The following HTT variants were observed in gnomAD, a reference collection of about 807,000 sequenced individuals.
HTT encodes the protein huntingtin.
In HTT, 104 loss-of-function variants were observed where a neutral mutation model predicts 362.3. The observed-to-expected ratio is 0.29, with a 90% confidence interval of 0.24 to 0.34. The LOEUF is 0.34. Ranked by LOEUF, HTT falls within the 10% of genes least tolerant of loss-of-function variation. The pLI is 1.00. For missense variants in HTT, 3,301 were observed against 3,928.6 expected (o/e 0.84, Z 4.27); for synonymous variants, 1,577 against 1,548.7 (o/e 1.02, Z -0.43).
Position 3,228,396 on chromosome 4 carries a change from A to C in HTT, c.7849-219A>C, listed in dbSNP as rs1721025225. On this transcript the variant is annotated intron_variant, in intron 57 of 66. Transcript: ENST00000355072. This position sits in a 1 kb window ranked among gnomAD's most constrained non-coding sequence, Gnocchi z 4.3. ...CCTGGGGTTGACTGGCCCCTGATTC[A>C]TGCCTTTAGCATGTGCTGGAGCTTC... Among the ~76,000 whole-genome samples, 1 of 152,028 alleles carries C rather than the reference A, an allele frequency of 6.6e-6. No homozygotes were observed. Among genetic ancestry groups the C allele is most frequent in the Non-Finnish European group, 1.5e-5 (1 of 67,988 alleles).
At position 3,163,889 on chromosome 4, in the gene HTT, T is replaced by G. The variant is rs547594549; in HGVS notation, c.3864+3497T>G. Among the ~76,000 whole-genome samples, 3 of 152,042 alleles carry G rather than the reference T, an allele frequency of 2.0e-5. No homozygotes were observed. In the East Asian group the frequency reaches 5.8e-4, roughly 29 times the overall value. On this transcript the variant is annotated intron_variant, in intron 29 of 66. Coordinates refer to ENST00000355072, the MANE Select transcript of HTT (RefSeq NM_001388492.1). ...AAAACCAGCACCTGGATTCATTGAT[T>G]TTTTTTGGAGGGTTTTTTTTCGTGT... is the stretch of plus-strand genomic sequence containing the variant.
intron 6 of HTT, among the ~76,000 whole-genome samples, chr4:3,108,380 T>C (rs1442640960): frequency 6.6e-6 from 1 of 151,966 alleles, no homozygotes; most frequent in Non-Finnish European, 1.5e-5. Flanking sequence ...GAATTTAGTG[T>C]AATATTTCTT....
At chr4:3,183,694 A>T (rs535452180) in intron 37 of HTT, among the ~76,000 whole-genome samples, 1 of 152,268 alleles carries the variant, frequency 6.6e-6, no homozygotes, top group African/African-American at 2.4e-5. Flanking sequence ...CTGCCTACAG[A>T]TGGTTTTAGA....
At chr4:3,075,480 C>G (rs1275445988) in intron 1 of HTT, among the ~76,000 whole-genome samples, 1 of 152,154 alleles carries the variant, frequency 6.6e-6, no homozygotes, top group East Asian at 1.9e-4. Context: ...GTGAAGAGAA[C>G]TTGGAGGAGC....
intron 59 of HTT, among the ~76,000 whole-genome samples, chr4:3,229,302 CCACA>C (rs35275647): frequency 0.44 from 61,831 of 140,458 alleles, 13,628 homozygotes; most frequent in South Asian, 0.52. Context: ...CATGCATGCA[CCACA>C]CACACACACA....
At position 3,218,916 on chromosome 4, in the gene HTT, G is replaced by A. The variant is rs560200961; in HGVS notation, c.7242+964G>A. On this transcript the variant is annotated intron_variant, in intron 52 of 66. Coordinates refer to ENST00000355072, the MANE Select transcript of HTT (RefSeq NM_001388492.1). The surrounding 1 kb of genome is among the most constrained non-coding windows in gnomAD (Gnocchi z 4.4). Reference sequence around the variant, plus strand: ...AGGGAAGAGGCTTGTGGCTGCCTGAGAAGGGTGCGTGCCTGCCTGTGTGTG... The same window carrying A: ...AGGGAAGAGGCTTGTGGCTGCCTGAAAAGGGTGCGTGCCTGCCTGTGTGTG... Among the ~76,000 whole-genome samples the A allele has an allele frequency of 6.6e-6, 1 of 152,330 alleles. No individual in the cohort carries two copies. Among genetic ancestry groups the A allele is most frequent in the Admixed American group, 6.5e-5 (1 of 15,310 alleles).
At chr4:3,123,855 A>G (rs965003818) in intron 10 of HTT, among the ~76,000 whole-genome samples, 1 of 152,208 alleles carries the variant, frequency 6.6e-6, no homozygotes, top group African/African-American at 2.4e-5. Flanking sequence ...ATCTTTTGCA[A>G]TGCCAGTTAT....
At chr4:3,224,827 A>G (rs1259023113) in intron 56 of HTT, among the ~76,000 whole-genome samples, 6 of 152,172 alleles carry the variant, frequency 3.9e-5, no homozygotes, top group Non-Finnish European at 8.8e-5. Context: ...TCAAATGTTT[A>G]TTAGGGCGTT....
intron 37 of HTT, among the ~76,000 whole-genome samples, chr4:3,183,174 G>A (rs1445890315): frequency 1.3e-5 from 2 of 152,238 alleles, no homozygotes; most frequent in East Asian, 1.9e-4. Context: ...GAGCCACCTC[G>A]CCTGGCCTAT....
At chr4:3,105,086 A>T (rs1714358777) in intron 4 of HTT, among the ~76,000 whole-genome samples, 3 of 152,306 alleles carry the variant, frequency 2.0e-5, no homozygotes, top group Admixed American at 2.0e-4. Flanking sequence ...ACAATGTTAG[A>T]AGGAAATGCT....
chr4:3,175,957 G>T (rs16843994), intron 33 of HTT, among the ~76,000 whole-genome samples: 1,982 of 151,958 alleles, frequency 0.013, 38 homozygotes, highest in African/African-American at 0.041. Context: ...GAGGGCACTC[G>T]GTCAACACTG....
At chr4:3,137,563 G>A (rs893594472) in intron 21 of HTT, among the ~76,000 whole-genome samples, 6 of 152,168 alleles carry the variant, frequency 3.9e-5, no homozygotes, top group Non-Finnish European at 8.8e-5. Flanking sequence ...GTCGGATGTG[G>A]TGGCACACGC....
At chr4:3,117,697 G>A (rs1406558277) in intron 8 of HTT, among the ~76,000 whole-genome samples, 5 of 152,076 alleles carry the variant, frequency 3.3e-5, no homozygotes, top group African/African-American at 1.2e-4. Context: ...GCCAAGTGTG[G>A]TGATGCATGC....
chr4:3,185,842 C>G (rs965147998), intron 37 of HTT, among the ~76,000 whole-genome samples: 1 of 151,830 alleles, frequency 6.6e-6, no homozygotes, highest in African/African-American at 2.4e-5. Flanking sequence ...TGAGCCCATT[C>G]GTGCGCCACT....
chr4:3,113,172 A>G (rs1246067658), intron 6 of HTT: 2 of 185,248 alleles, frequency 1.1e-5, no homozygotes, highest in African/African-American at 4.8e-5. Flanking sequence ...TGGAGAAGGG[A>G]TTCTTGGGAT....
At chr4:3,077,697 T>C (rs549749709) in intron 1 of HTT, among the ~76,000 whole-genome samples, 52 of 152,198 alleles carry the variant, frequency 3.4e-4, no homozygotes, top group Non-Finnish European at 5.7e-4. Flanking sequence ...GGATTACAGG[T>C]GTGAGCCACC....
At chr4:3,197,028 T>C (rs1719287009) in intron 40 of HTT, among the ~76,000 whole-genome samples, 1 of 152,172 alleles carries the variant, frequency 6.6e-6, no homozygotes, top group Admixed American at 6.5e-5. Context: ...AGAGGCTGCC[T>C]GTGTTCTTTC....
intron 60 of HTT, among the ~76,000 whole-genome samples, chr4:3,230,987 G>GT (rs1165525168): frequency 6.6e-6 from 1 of 152,188 alleles, no homozygotes; most frequent in Non-Finnish European, 1.5e-5. Context: ...GTGCAGCATG[G>GT]TACCTGTATT....
At chr4:3,238,746 C>T (rs1049035285) in intron 65 of HTT, 72 bp from the exon 66 acceptor site, 48 of 1,178,298 alleles carry the variant, frequency 4.1e-5, no homozygotes, top group East Asian at 1.8e-4. Flanking sequence ...ACCCCACCCC[C>T]GCCACCCAGG....
Sources: gnomAD v4.1 joint callset for allele counts (sites outside exome capture counted in the v4.1 genomes callset) on GRCh38, gnomAD v4.1.1 for gene constraint, Gnocchi (gnomAD v3.1) non-coding constraint, MANE v1.5 for transcripts, NCBI Gene and HGNC (gene_info 2026-07-23, HGNC 2026-07-21) for gene names.